ZNF420: variants seen among roughly 807,000 people sequenced by gnomAD.
ZNF420 encodes the protein zinc finger protein 420.
In ZNF420, 31 loss-of-function variants were observed where a neutral mutation model predicts 44.7. The observed-to-expected ratio is 0.69, with a 90% CI of 0.52 to 0.94. The LOEUF (loss-of-function observed/expected upper bound fraction) is 0.94, where lower values mean the gene tolerates loss of function less well. Ranked by LOEUF, ZNF420 falls within the 40% of genes least tolerant of loss-of-function variation. ZNF420 has a pLI of 0.00. For synonymous variants in ZNF420, 245 were observed against 267.4 expected, an observed-to-expected ratio of 0.92 and a Z score of 0.82; for missense variants, 681 against 827.9, an observed-to-expected ratio of 0.82 and a Z score of 2.18.
chr19:37,103,586 A>G (rs748718651), intron 4 of ZNF420, among the ~76,000 whole-genome samples: 15 of 152,332 alleles, frequency 9.8e-5, no homozygotes, highest in East Asian at 3.9e-4. Flanking sequence ...AAGAGAAGAG[A>G]GATTCTTGCT....
intron 1 of ZNF420, among the ~76,000 whole-genome samples, chr19:37,044,387 A>AG (rs1396430899): frequency 2.6e-5 from 4 of 152,144 alleles, no homozygotes; most frequent in African/African-American, 4.8e-5. Context: ...GGTGGGTGGC[A>AG]GGGAGCAGAT....
chr19:37,043,766 C>T (rs958039682), intron 1 of ZNF420, among the ~76,000 whole-genome samples: 1 of 152,144 alleles, frequency 6.6e-6, no homozygotes, highest in East Asian at 1.9e-4. Context: ...AGCCACCATG[C>T]CTGGCCTCTA....
chr19:37,106,351 C>G (rs1970083835), intron 4 of ZNF420, among the ~76,000 whole-genome samples: 1 of 152,150 alleles, frequency 6.6e-6, no homozygotes, highest in Non-Finnish European at 1.5e-5. Context: ...AGCCTTGCAT[C>G]CCAGGGATGA....
At chr19:37,066,666 A>G (rs944576906) in intron 1 of ZNF420, among the ~76,000 whole-genome samples, 4 of 152,194 alleles carry the variant, frequency 2.6e-5, no homozygotes, top group African/African-American at 4.8e-5. Context: ...AGGTAGGGAG[A>G]CTGAAACTCT....
intron 3 of ZNF420, among the ~76,000 whole-genome samples, chr19:37,089,589 G>T (rs1451419890): frequency 6.6e-6 from 1 of 152,078 alleles, no homozygotes; most frequent in Admixed American, 6.5e-5. Flanking sequence ...GAGAGATCAG[G>T]GATCTTCCCC....
chr19:37,028,386 G>T (rs1437759304), intron 1 of ZNF420, among the ~76,000 whole-genome samples: 1 of 152,114 alleles, frequency 6.6e-6, no homozygotes, highest in African/African-American at 2.4e-5. Flanking sequence ...AATAATACCT[G>T]GTTGTCCATA....
intron 4 of ZNF420, among the ~76,000 whole-genome samples, chr19:37,121,679 T>C (rs936684843): frequency 6.6e-6 from 1 of 151,744 alleles, no homozygotes; most frequent in Non-Finnish European, 1.5e-5. Context: ...ACCATCAGAG[T>C]GAACAGGCAA....
chr19:37,061,711 CTT>C (rs1422882747), intron 1 of ZNF420, among the ~76,000 whole-genome samples: 2 of 152,044 alleles, frequency 1.3e-5, no homozygotes, highest in Non-Finnish European at 2.9e-5. Context: ...ATTAAAAAAA[CTT>C]AATTTTCAAA....
intron 1 of ZNF420, among the ~76,000 whole-genome samples, chr19:37,037,408 G>A (rs1599608787): frequency 6.6e-6 from 1 of 152,310 alleles, no homozygotes; most frequent in East Asian, 1.9e-4. Flanking sequence ...CTTTCACTCA[G>A]TCTCAGCCAC....
upstream of ZNF420, chr19:37,075,004 C>T (rs1269815778): frequency 6.6e-6 from 1 of 152,218 alleles, no homozygotes; most frequent in Non-Finnish European, 1.5e-5. Flanking sequence ...CTCATACGTA[C>T]TGGCATAAAC....
In ZNF420 at chr19:37,084,833, A is replaced by G. The variant is rs1599648543; in HGVS notation, c.-80-4206A>G. ...ATAGAATTGTATTATCTTTTTAATTAAAGCCTTAAAAAATCTGTGGTCCAG... is the reference window on the plus strand; with the variant it reads ...ATAGAATTGTATTATCTTTTTAATTGAAGCCTTAAAAAATCTGTGGTCCAG... On this transcript the variant is annotated intron_variant, in intron 2 of 4. Transcript: ENST00000337995. 3.9e-5 allele frequency among the ~76,000 whole-genome samples: 6 copies of G among 152,292 alleles called. 1 individual carries two copies. In the South Asian group the frequency reaches 1.2e-3, roughly 32 times the overall value.
chr19:37,033,874 A>C (rs1460188355), intron 1 of ZNF420, among the ~76,000 whole-genome samples: 1 of 152,152 alleles, frequency 6.6e-6, no homozygotes, highest in Non-Finnish European at 1.5e-5. Flanking sequence ...CTGCTGCCTC[A>C]GCCTCCTGAG....
rs976851620 is a variant in ZNF420, at chr19:37,021,885, C to T, written c.-125+13803C>T. 4.5e-5 allele frequency among the ~76,000 whole-genome samples: 6 copies of T among 134,742 alleles called. No individual in the cohort carries two copies. In the South Asian group the frequency reaches 6.9e-4, roughly 16 times the overall value. 88.4% of individuals were successfully genotyped at this position (134,742 alleles called of 152,430 possible). On this transcript the variant is annotated intron_variant, in intron 1 of 4. Coordinates refer to the ZNF420 transcript ENST00000587029. ...CCAGGAGGTGAAGGTTGTGGTGAGC[C>T]GAGATCGTGCCACTAAACTCCAGCC...
intron 1 of ZNF420, among the ~76,000 whole-genome samples, chr19:37,016,809 C>T (rs2146376882): frequency 6.6e-6 from 1 of 152,302 alleles, no homozygotes; most frequent in African/African-American, 2.4e-5. Flanking sequence ...GGGCCAAGGC[C>T]AAACAGGTTA....
intron 4 of ZNF420, chr19:37,111,529 CA>C (rs1396986376): frequency 6.6e-6 from 1 of 152,162 alleles, no homozygotes; most frequent in Non-Finnish European, 1.5e-5. Context: ...ATGCTATTGC[CA>C]GTCCTGCGTT....
At chr19:37,055,585 G>A (rs1313155632) in intron 1 of ZNF420, among the ~76,000 whole-genome samples, 4 of 152,212 alleles carry the variant, frequency 2.6e-5, no homozygotes, top group African/African-American at 7.2e-5. Flanking sequence ...TGACTTCCAA[G>A]GGCAAAGCAC....
upstream of ZNF420, among the ~76,000 whole-genome samples, chr19:37,076,371 T>C (rs1010881478): frequency 6.9e-5 from 10 of 145,894 alleles, no homozygotes; most frequent in South Asian, 2.2e-3. Context: ...CTTTTTTATT[T>C]TTATTTTTAT....
In ZNF420 at chr19:37,118,841, T is replaced by C. The variant is rs190098455; in HGVS notation, c.137-8287T>C. ...AATCCTAGTCTCTGATAAAACAGAC[T>C]TTAAACCAACAAAGATCAAAAGAGA... On this transcript the variant is annotated intron_variant, in intron 4 of 4. Coordinates refer to ENST00000337995, the MANE Select transcript of ZNF420 (RefSeq NM_144689.5). Among the ~76,000 whole-genome samples the C allele has an allele frequency of 2.3e-3, 346 of 151,928 alleles. 1 individual carries two copies. The highest frequency in any genetic ancestry group is 3.4e-3 in the Non-Finnish European group (231 of 67,966).
At chr19:37,039,882 TTTTG>T (rs1486123833) in intron 1 of ZNF420, among the ~76,000 whole-genome samples, 1 of 152,028 alleles carries the variant, frequency 6.6e-6, no homozygotes, top group East Asian at 1.9e-4. Context: ...TGATTTGTTT[TTTTG>T]TTTGTTTGTT....
Sources: allele counts gnomAD v4.1 joint callset (sites outside exome capture counted in the v4.1 genomes callset), GRCh38; gene constraint gnomAD v4.1.1; transcripts MANE v1.5; gene names NCBI Gene and HGNC (gene_info 2026-07-23, HGNC 2026-07-21).